DRGX: variants seen among roughly 807,000 people sequenced by gnomAD.
DRGX encodes the protein dorsal root ganglia homeobox protein.
In DRGX, 21 loss-of-function variants were observed where a neutral mutation model predicts 28.6. The observed-to-expected ratio is 0.73, with a 90% CI of 0.52 to 1.06. DRGX has a LOEUF of 1.06. Ranked by LOEUF, DRGX falls within the 50% of genes least tolerant of loss-of-function variation. DRGX has a pLI of 0.00. For synonymous variants in DRGX, 136 were observed against 139.1 expected, an observed-to-expected ratio of 0.98 and a Z score of 0.16; for missense variants, 354 against 343.9, an observed-to-expected ratio of 1.03 and a Z score of -0.23.
intron 6 of DRGX, among the ~76,000 whole-genome samples, chr10:49,383,897 AT>A (rs1849804121): frequency 6.6e-6 from 1 of 152,264 alleles, no homozygotes; most frequent in South Asian, 2.1e-4. Flanking sequence ...GCACTGTGTT[AT>A]AGCAGCCTGA....
chr10:49,377,861 C>A (rs1849732414), intron 6 of DRGX, among the ~76,000 whole-genome samples: 1 of 152,088 alleles, frequency 6.6e-6, no homozygotes, highest in Non-Finnish European at 1.5e-5. Context: ...ACTTTTGGGG[C>A]AACCACAGTT....
At chr10:49,389,626 G>C (rs1338687635) in intron 4 of DRGX, among the ~76,000 whole-genome samples, 2 of 152,156 alleles carry the variant, frequency 1.3e-5, no homozygotes, top group African/African-American at 2.4e-5. Flanking sequence ...CACTACTGCT[G>C]TTTAAAGATT....
intron 4 of DRGX, among the ~76,000 whole-genome samples, chr10:49,389,010 A>G (rs1317914053): frequency 6.6e-6 from 1 of 152,238 alleles, no homozygotes; most frequent in Non-Finnish European, 1.5e-5. Flanking sequence ...TGAATGCTCA[A>G]TAATTGTGTC....
rs1487589480 is a variant in DRGX, at chr10:49,395,940, C to T, written c.-87G>A. On this transcript the variant is annotated 5_prime_UTR_variant, in exon 1 of 7. Coordinates refer to ENST00000374139, the MANE Select transcript of DRGX (RefSeq NM_001276451.2). ...GGGTCAGGAGCCGAGCATACCTCGG[C>T]GGGCGGCGGTCGAGGAGGTCGGAGC... 1 of 153,966 alleles carries T rather than the reference C, an allele frequency of 6.5e-6. No individual in the cohort carries two copies. The highest frequency in any genetic ancestry group is 2.4e-5 in the African/African-American group (1 of 41,334). 9.5% of individuals were successfully genotyped at this position (153,966 alleles called of 1,614,324 possible).
intron 2 of DRGX, among the ~76,000 whole-genome samples, chr10:49,392,870 C>A (rs910670640): frequency 1.3e-5 from 2 of 152,004 alleles, no homozygotes; most frequent in African/African-American, 4.8e-5. Context: ...CACAACAGAA[C>A]AATGGAATAT....
At chr10:49,385,796 G>T (rs957030868) in intron 6 of DRGX, among the ~76,000 whole-genome samples, 1 of 151,774 alleles carries the variant, frequency 6.6e-6, no homozygotes, top group Non-Finnish European at 1.5e-5. Flanking sequence ...CCAGACGCAC[G>T]CTGGGGCCCA....
intron 2 of DRGX, among the ~76,000 whole-genome samples, chr10:49,392,195 C>T (rs1374034450): frequency 6.6e-6 from 1 of 152,212 alleles, no homozygotes; most frequent in Non-Finnish European, 1.5e-5. Flanking sequence ...ACTTTACCTG[C>T]CATGGGCTCT....
intron 4 of DRGX, among the ~76,000 whole-genome samples, chr10:49,389,844 T>C (rs536418399): frequency 5.3e-4 from 80 of 151,122 alleles, no homozygotes; most frequent in South Asian, 1.5e-3. Context: ...TTCTTTCTTT[T>C]TTTTTTTTTT....
rs536843459 is a variant in DRGX at position 49,374,246 on chromosome 10, G to A, written c.527-7865C>T. On this transcript the variant is annotated intron_variant, in intron 6 of 6. Coordinates refer to ENST00000374139, the MANE Select transcript of DRGX (RefSeq NM_001276451.2). ...CACAGGTTGCAAAGGGATAAAGACC[G>A]TGTCTTCATCACCCAGTGAAGACTC... Among the ~76,000 whole-genome samples the A allele has an allele frequency of 6.4e-4, 97 of 152,274 alleles. 1 individual carries two copies. The highest frequency in any genetic ancestry group is 2.3e-3 in the African/African-American group (95 of 41,554).
chr10:49,389,550 T>C (rs1416811366), intron 4 of DRGX, among the ~76,000 whole-genome samples: 2 of 152,200 alleles, frequency 1.3e-5, no homozygotes. Flanking sequence ...ACCGTGTAGC[T>C]TCTAAACAGA....
chr10:49,369,117 A>T lies in DRGX; in HGVS notation c.527-2736T>A, dbSNP rs113019034. ...GCCATGTGCCAGACGTAGAAGTGAC[A>T]GAGCCTCCTTGCCCTGGAGCCATAG... On this transcript the variant is annotated intron_variant, in intron 6 of 6. Coordinates refer to ENST00000374139, the MANE Select transcript of DRGX (RefSeq NM_001276451.2). Among the ~76,000 whole-genome samples the T allele has an allele frequency of 2.4e-3, 359 of 152,358 alleles. 2 individuals carry two copies. Among genetic ancestry groups the T allele is most frequent in the African/African-American group, 8.1e-3 (335 of 41,582 alleles).
At chr10:49,372,865 C>T (rs562955418) in intron 6 of DRGX, among the ~76,000 whole-genome samples, 2 of 152,332 alleles carry the variant, frequency 1.3e-5, no homozygotes, top group African/African-American at 4.8e-5. Context: ...GTAATTTATA[C>T]TGCCAAGAGA....
intron 2 of DRGX, among the ~76,000 whole-genome samples, chr10:49,394,413 C>CTTGG (rs955801630): frequency 1.7e-4 from 26 of 152,202 alleles, no homozygotes; most frequent in Admixed American, 1.4e-3. Flanking sequence ...CCCACAACTA[C>CTTGG]TTGGCTTCCC....
At chr10:49,370,786 T>C (rs1849651055) in intron 6 of DRGX, among the ~76,000 whole-genome samples, 1 of 152,210 alleles carries the variant, frequency 6.6e-6, no homozygotes, top group African/African-American at 2.4e-5. Context: ...AAGTCAATAA[T>C]CTGCATCCAA....
In DRGX at chr10:49,395,464, C is replaced by T. The variant is rs1342065702; in HGVS notation, c.-24G>A. The stretch of plus-strand genomic sequence containing the variant: ...ATCGCCGGCTGTCAGATCGGCTGGA[C>T]GGCCGAGACCTGGGAGGGTGGCAGC... On this transcript the variant is annotated 5_prime_UTR_variant, in exon 2 of 7. Transcript: ENST00000374139. 8 of 1,549,808 alleles carry T rather than the reference C, an allele frequency of 5.2e-6. No individual in the cohort carries two copies. Among genetic ancestry groups the T allele is most frequent in the Non-Finnish European group, 7.0e-6 (8 of 1,146,868 alleles).
At position 49,374,038 on chromosome 10, in the gene DRGX, C is replaced by G. The variant is rs568025443; in HGVS notation, c.527-7657G>C. Among the ~76,000 whole-genome samples the G allele has an allele frequency of 1.4e-3, 211 of 152,234 alleles. 1 individual carries two copies. Among genetic ancestry groups the G allele is most frequent in the South Asian group, 2.9e-3 (14 of 4,814 alleles). On this transcript the variant is annotated intron_variant, in intron 6 of 6. Coordinates refer to ENST00000374139, the MANE Select transcript of DRGX (RefSeq NM_001276451.2). Reference sequence around the variant, plus strand: ...AAATGTTCCAATACCAAAATATTCACAGTGGCTGGTTCTGGGTGTTGAGGC... The same window carrying G: ...AAATGTTCCAATACCAAAATATTCAGAGTGGCTGGTTCTGGGTGTTGAGGC...
rs74609030 is a variant in DRGX, at chr10:49,366,727, T to G, written c.527-346A>C. Among the ~76,000 whole-genome samples the G allele has an allele frequency of 8.1e-4, 124 of 152,266 alleles. 1 individual carries two copies. The highest frequency in any genetic ancestry group is 2.8e-3 in the African/African-American group (116 of 41,558). On this transcript the variant is annotated intron_variant, in intron 6 of 6. Coordinates refer to ENST00000374139, the MANE Select transcript of DRGX (RefSeq NM_001276451.2). The stretch of plus-strand genomic sequence containing the variant: ...TTGCAGGATTATAAGGAGGTTCCCA[T>G]TAAGTCATTCCACACTCCCAAACTG...
At chr10:49,371,547 T>C (rs1849659458) in intron 6 of DRGX, among the ~76,000 whole-genome samples, 2 of 151,594 alleles carry the variant, frequency 1.3e-5, no homozygotes, top group Non-Finnish European at 2.9e-5. Flanking sequence ...ATCCCAGCAC[T>C]TTGGGAGGCC....
chr10:49,391,114 G>C (rs1849898416), intron 3 of DRGX, 50 bp downstream of exon 3: 4 of 1,566,906 alleles, frequency 2.6e-6, no homozygotes, highest in Admixed American at 3.4e-5. Context: ...ACTTTGATTT[G>C]GGGGAGGTAG....
Sources: gnomAD v4.1 joint callset for allele counts (sites outside exome capture counted in the v4.1 genomes callset) on GRCh38, gnomAD v4.1.1 for gene constraint, MANE v1.5 for transcripts, NCBI Gene and HGNC (gene_info 2026-07-23, HGNC 2026-07-21) for gene names.